Variants in CACNB4 observed in about 807,000 individuals in gnomAD.
CACNB4 encodes the protein calcium voltage-gated channel auxiliary subunit beta 4, also known as voltage-dependent L-type calcium channel subunit beta-4.
In CACNB4, 32 loss-of-function variants were observed where a neutral mutation model predicts 71.2. That is an observed-to-expected ratio of 0.45 (90% CI 0.34 to 0.60). The LOEUF is 0.60. Among genes scored for constraint, CACNB4 ranks in the 20% least tolerant of loss-of-function variants. The pLI is 0.01. For synonymous variants in CACNB4, 231 were observed against 236.9 expected, an observed-to-expected ratio of 0.97 and a Z score of 0.23; for missense variants, 464 against 647.9, an observed-to-expected ratio of 0.72 and a Z score of 3.08.
intron 2 of CACNB4, among the ~76,000 whole-genome samples, chr2:152,036,965 G>C (rs897598394): frequency 6.6e-6 from 1 of 152,222 alleles, no homozygotes; most frequent in Non-Finnish European, 1.5e-5. Context: ...ATGAACTTCA[G>C]CTTCAAAAAG....
At chr2:152,057,753 AAG>A (rs1685798918) in intron 2 of CACNB4, among the ~76,000 whole-genome samples, 1 of 152,190 alleles carries the variant, frequency 6.6e-6, no homozygotes, top group South Asian at 2.1e-4. Flanking sequence ...GACCCCTGAA[AAG>A]TCCTAATGAG....
intron 2 of CACNB4, among the ~76,000 whole-genome samples, chr2:152,075,940 G>A (rs73967741): frequency 0.083 from 12,581 of 152,112 alleles, 1,071 homozygotes; most frequent in African/African-American, 0.22. Context: ...CAAACAAAAC[G>A]AGAGTAAAAT....
In CACNB4 at chr2:151,853,503, C is replaced by T. The variant is rs1559868500; in HGVS notation, c.1061G>A (p.Ser354Asn). 1 of 1,600,504 alleles carries T rather than the reference C, an allele frequency of 6.2e-7. No homozygotes were observed. The highest frequency in any genetic ancestry group is 1.3e-5 in the African/African-American group (1 of 74,372). Residue 354 changes from serine to asparagine, a missense_variant, in exon 12 of 14, where the codon AGT becomes AAT. This residue lies in a region of CACNB4 where 299 missense variants were observed against 471.7 expected (regional missense o/e 0.63). Coordinates refer to ENST00000539935, the MANE Select transcript of CACNB4 (RefSeq NM_000726.5). ...RLIKSRGKSQ[S>N]KHLNVQLVAA... ...CACCAGTTGAACATTCAAGTGTTTA[C>T]TTTGTGACTTTCCTCTAGATTTAAT...
chr2:151,862,223 T>G (rs1303806539), intron 9 of CACNB4, among the ~76,000 whole-genome samples: 1 of 152,220 alleles, frequency 6.6e-6, no homozygotes, highest in African/African-American at 2.4e-5. Context: ...ATTTCATACC[T>G]GTCTGGGGAC....
rs560573320 is a variant in CACNB4, at chr2:152,085,821, A to C, written c.147+12509T>G. Among the ~76,000 whole-genome samples the C allele has an allele frequency of 1.7e-3, 221 of 132,806 alleles. 1 individual carries two copies. Among genetic ancestry groups the C allele is most frequent in the Admixed American group, 7.2e-3 (87 of 12,080 alleles). The allele number at this position is 132,806 out of a possible 152,430, so 87.1% of individuals were successfully genotyped here. Reference sequence around the variant, plus strand: ...TAACCTGCTGCAGCCATTAAAAAAAAAAAAAAACAAACAAACAAAAAGCAG... The same window carrying C: ...TAACCTGCTGCAGCCATTAAAAAAACAAAAAAACAAACAAACAAAAAGCAG... On this transcript the variant is annotated intron_variant, in intron 2 of 13. Transcript: ENST00000539935.
chr2:151,860,904 A>G, intron 9 of CACNB4, 84 bp from the exon 10 acceptor site: 3 of 841,388 alleles, frequency 3.6e-6, no homozygotes, highest in Non-Finnish European at 6.1e-6. Flanking sequence ...GTACTTAATA[A>G]CCAATTTACA....
chr2:151,883,202 C>A, intron 3 of CACNB4, 49 bp downstream of exon 3: 1 of 1,599,080 alleles, frequency 6.3e-7, no homozygotes, highest in Non-Finnish European at 8.6e-7. Flanking sequence ...AGCTGGTAGC[C>A]ACTGAGCAAC....
At chr2:152,008,018 C>T (rs570106646) in intron 2 of CACNB4, among the ~76,000 whole-genome samples, 34 of 152,076 alleles carry the variant, frequency 2.2e-4, no homozygotes, top group East Asian at 5.8e-4. Context: ...GTGATCTGCC[C>T]GCCTCAGCCT....
At chr2:151,918,834 G>A (rs2099858204) in intron 2 of CACNB4, among the ~76,000 whole-genome samples, 1 of 152,206 alleles carries the variant, frequency 6.6e-6, no homozygotes, top group South Asian at 2.1e-4. Context: ...ATCCAGAGAT[G>A]CAAATATCAT....
intron 2 of CACNB4, among the ~76,000 whole-genome samples, chr2:152,034,473 A>T (rs1684452941): frequency 6.6e-6 from 1 of 152,316 alleles, no homozygotes; most frequent in East Asian, 1.9e-4. Flanking sequence ...ATCCTGCAAG[A>T]GCAAGCTAAC....
chr2:151,860,559 G>A (rs1415009395), intron 10 of CACNB4, 152 bp downstream of exon 10: 17 of 660,326 alleles, frequency 2.6e-5, no homozygotes, highest in Admixed American at 1.4e-4. Flanking sequence ...AGACTCTGCT[G>A]CCTTCTTGTC....
At chr2:152,053,182 G>A (rs982952246) in intron 2 of CACNB4, among the ~76,000 whole-genome samples, 1 of 152,140 alleles carries the variant, frequency 6.6e-6, no homozygotes, top group Admixed American at 6.5e-5. Context: ...GAAGGGGGCT[G>A]GTCAGGAAAG....
chr2:151,864,109 G>A (rs2099842470), intron 9 of CACNB4, among the ~76,000 whole-genome samples: 1 of 152,070 alleles, frequency 6.6e-6, no homozygotes, highest in South Asian at 2.1e-4. Flanking sequence ...GCTATGCTGA[G>A]ACCCCCTAGT....
chr2:151,971,778 A>T (rs1359796381), intron 2 of CACNB4: 1 of 598,668 alleles, frequency 1.7e-6, no homozygotes, highest in African/African-American at 1.9e-5. Flanking sequence ...TCTTCCCCTG[A>T]TTTATGTGAC....
intron 13 of CACNB4, 98 bp from the exon 14 acceptor site, chr2:151,839,477 C>A: frequency 1.0e-6 from 1 of 965,396 alleles, no homozygotes; most frequent in South Asian, 1.6e-5. Context: ...CAATAAGATG[C>A]TAAATATCTG....
intron 2 of CACNB4, among the ~76,000 whole-genome samples, chr2:151,913,764 T>TC (rs2099856819): frequency 1.2e-4 from 1 of 8,286 alleles, no homozygotes; most frequent in South Asian, 4.7e-3. Flanking sequence ...AGACTCCATC[T>TC]CAAAAAAAAA....
At chr2:152,020,036 A>G (rs1388964264) in intron 2 of CACNB4, among the ~76,000 whole-genome samples, 1 of 152,204 alleles carries the variant, frequency 6.6e-6, no homozygotes, top group Non-Finnish European at 1.5e-5. Context: ...CTGTGTTTCT[A>G]TGCCTCCACT....
intron 2 of CACNB4, among the ~76,000 whole-genome samples, chr2:152,069,873 C>A (rs1371651312): frequency 1.5e-5 from 2 of 135,130 alleles, no homozygotes; most frequent in Non-Finnish European, 3.1e-5. Flanking sequence ...GATGGAGTCT[C>A]GCTCAGTCGC....
chr2:151,918,323 T>C (rs1377217785), intron 2 of CACNB4, among the ~76,000 whole-genome samples: 2 of 152,356 alleles, frequency 1.3e-5, no homozygotes, highest in South Asian at 2.1e-4. Context: ...TGCAAAGATC[T>C]ATACAATTTT....
Sources: gnomAD v4.1 joint callset for allele counts (sites outside exome capture counted in the v4.1 genomes callset) on GRCh38, gnomAD v4.1.1 for gene constraint, gnomAD v4.1.1 regional missense constraint, MANE v1.5 for transcripts, NCBI Gene and HGNC (gene_info 2026-07-23, HGNC 2026-07-21) for gene names.